Variants in KCNH1 observed in about 807,000 individuals in gnomAD.
The protein encoded by KCNH1 is potassium voltage-gated channel subfamily H member 1, also known as voltage-gated delayed rectifier potassium channel KCNH1.
Under a neutral mutation model 69.2 loss-of-function variants are expected in KCNH1, and 27 were observed. That is an observed-to-expected ratio of 0.39 (90% CI 0.29 to 0.54). The LOEUF is 0.54. Among genes scored for constraint, KCNH1 ranks in the 20% least tolerant of loss-of-function variants. KCNH1 has a pLI of 0.68. For synonymous variants in KCNH1, 456 were observed against 487.7 expected, an observed-to-expected ratio of 0.93 and a Z score of 0.86; for missense variants, 798 against 1,261.6, an observed-to-expected ratio of 0.63 and a Z score of 5.57.
chr1:210,864,600 T>C (rs969746307), intron 7 of KCNH1, among the ~76,000 whole-genome samples: 1 of 152,180 alleles, frequency 6.6e-6, no homozygotes, highest in African/African-American at 2.4e-5. Flanking sequence ...ATCCTACCTC[T>C]ATGGAGGGAG....
At chr1:210,735,421 AGTGTGTGTGTGTGT>A (rs71146244) in intron 10 of KCNH1, among the ~76,000 whole-genome samples, 273 of 132,096 alleles carry the variant, frequency 2.1e-3, no homozygotes, top group Admixed American at 5.2e-3. Context: ...TGAGTGAGTG[AGTGTGTGTGTGTGT>A]GTGTGTGTGT....
At chr1:210,982,438 G>C (rs1688732477) in intron 6 of KCNH1, among the ~76,000 whole-genome samples, 2 of 151,562 alleles carry the variant, frequency 1.3e-5, no homozygotes, top group Admixed American at 1.3e-4. Context: ...CTCCACACCA[G>C]TCCCCGGTAT....
intron 7 of KCNH1, among the ~76,000 whole-genome samples, chr1:210,832,650 TC>T (rs1685186733): frequency 6.6e-6 from 1 of 152,004 alleles, no homozygotes. Context: ...GAATAAAACT[TC>T]TAGGTAAACA....
intron 6 of KCNH1, among the ~76,000 whole-genome samples, chr1:210,956,651 T>C (rs1011542606): frequency 7.4e-4 from 112 of 152,112 alleles, no homozygotes; most frequent in African/African-American, 2.5e-3. Context: ...GGAGGGTATA[T>C]GTGTCCAGGA....
rs560042518 is a variant in KCNH1, at chr1:210,932,659, G to GA, written c.1033-12591dup. 7.9e-5 allele frequency among the ~76,000 whole-genome samples: 12 copies of GA among 151,656 alleles called. No individual in the cohort carries two copies. The South Asian group carries it at 1.3e-3, about 16-fold the overall frequency. On this transcript the variant is annotated intron_variant, in intron 6 of 10. Transcript: ENST00000271751. ...CACACAGACTGAAAAAGAAGGAATG[G>GA]AAAAAAAATATTCCATGCAAACAGA... is the stretch of plus-strand genomic sequence containing the variant.
rs150017848 is a variant in KCNH1, at chr1:211,072,611, G to C, written c.558+10169C>G. Among the ~76,000 whole-genome samples the C allele has an allele frequency of 9.7e-4, 148 of 152,260 alleles. 1 individual carries two copies. In the East Asian group the frequency reaches 0.025, roughly 26 times the overall value. On this transcript the variant is annotated intron_variant, in intron 5 of 10. Transcript: ENST00000271751. ...TGATACAAGGAATGAGAGGAATTAG[G>C]AATATCTTCCTATTATAAGGTACTT... is the stretch of plus-strand genomic sequence containing the variant.
Position 211,019,236 on chromosome 1 carries a change from G to C in KCNH1, c.579C>G (p.Asp193Glu), listed in dbSNP as rs770971374. 6.2e-7 allele frequency: 1 copy of C among 1,608,428 alleles called. No individual in the cohort carries two copies. The highest frequency in any genetic ancestry group is 1.3e-5 in the African/African-American group (1 of 74,880). ...CCTCTTGCTTGTACTGGGGAAGGAT[G>C]TCTGAGCCCAGCTGTAGGACCTGTA... Reference protein sequence around the residue: ...RLAEVLQLGSDILPQYKQEAP... With the variant: ...RLAEVLQLGSEILPQYKQEAP... Residue 193 changes from aspartate (D) to glutamate (E), a missense_variant, in exon 6 of 11, where the codon GAC becomes GAG. Physicochemically the swap from Asp to Glu is conservative, Grantham distance 45. Coordinates refer to ENST00000271751, the MANE Select transcript of KCNH1 (RefSeq NM_172362.3).
intron 10 of KCNH1, 71 bp from the exon 11 acceptor site, chr1:210,684,209 C>T: frequency 4.9e-6 from 7 of 1,435,986 alleles, no homozygotes; most frequent in Non-Finnish European, 5.5e-6. Flanking sequence ...CAGCTCAGCC[C>T]TTCTGCCTAT....
Position 211,082,873 on chromosome 1 carries a change from T to C in KCNH1, c.465A>G (p.Thr155=), listed in dbSNP as rs1343819337. The change falls in exon 5 of 11, where the codon ACA becomes ACG. Residue 155 remains threonine (T), a synonymous_variant. Coordinates refer to ENST00000271751, the MANE Select transcript of KCNH1 (RefSeq NM_172362.3). ...CKGWGKFARL[T]RALTSSRGVL... is the part of the protein sequence containing the mutation. ...CACCCCTGCTGCTTGTCAGTGCTCTTGTCAGCCGAGCAAACTTCCCCCAGC... is the reference window on the plus strand; with the variant it reads ...CACCCCTGCTGCTTGTCAGTGCTCTCGTCAGCCGAGCAAACTTCCCCCAGC... 2 of 1,613,920 alleles carry C rather than the reference T, an allele frequency of 1.2e-6. No individual in the cohort carries two copies. The highest frequency in any genetic ancestry group is 1.7e-6 in the Non-Finnish European group (2 of 1,179,972).
Position 211,059,034 on chromosome 1 carries a change from A to C in KCNH1, c.558+23746T>G, listed in dbSNP as rs1211854541. ...GGTGGCTCACGCCTGTAATCCCAGC[A>C]CTTTGGGAGGCTGAGGTGGGTGGGT... is the stretch of plus-strand genomic sequence containing the variant. On this transcript the variant is annotated intron_variant, in intron 5 of 10. Transcript: ENST00000271751. 2.0e-5 allele frequency among the ~76,000 whole-genome samples: 3 copies of C among 152,322 alleles called. No homozygotes were observed. In the East Asian group the frequency reaches 5.8e-4, roughly 29 times the overall value.
At chr1:211,012,557 T>C (rs564645436) in intron 6 of KCNH1, among the ~76,000 whole-genome samples, 1 of 152,312 alleles carries the variant, frequency 6.6e-6, no homozygotes, top group African/African-American at 2.4e-5. Context: ...GCTGTGTGAT[T>C]CCTATGTTAT....
chr1:210,886,051 A>C (rs1358236992), intron 7 of KCNH1, among the ~76,000 whole-genome samples: 1 of 152,208 alleles, frequency 6.6e-6, no homozygotes, highest in Non-Finnish European at 1.5e-5. Context: ...CTGCTAAGGG[A>C]CAGACTGCCT....
At chr1:211,022,349 C>T (rs924156254) in intron 5 of KCNH1, among the ~76,000 whole-genome samples, 1 of 152,042 alleles carries the variant, frequency 6.6e-6, no homozygotes, top group Admixed American at 6.6e-5. Context: ...AATTTAAATC[C>T]AAGACTTCAA....
intron 10 of KCNH1, among the ~76,000 whole-genome samples, chr1:210,685,981 G>A (rs1681400447): frequency 6.6e-6 from 1 of 152,210 alleles, no homozygotes; most frequent in Non-Finnish European, 1.5e-5. Context: ...CTACACAGGT[G>A]GATGGATGGT....
At chr1:210,997,611 T>C (rs1344328983) in intron 6 of KCNH1, among the ~76,000 whole-genome samples, 1 of 152,068 alleles carries the variant, frequency 6.6e-6, no homozygotes, top group East Asian at 1.9e-4. Context: ...CAGGAGAACT[T>C]CCCCAATTTA....
intron 7 of KCNH1, among the ~76,000 whole-genome samples, chr1:210,902,904 T>G (rs1687025535): frequency 6.6e-6 from 1 of 152,202 alleles, no homozygotes; most frequent in African/African-American, 2.4e-5. Flanking sequence ...TAATATTCCT[T>G]GCTTAAAGTC....
At chr1:210,864,618 C>T (rs969011922) in intron 7 of KCNH1, among the ~76,000 whole-genome samples, 1 of 152,192 alleles carries the variant, frequency 6.6e-6, no homozygotes, top group Non-Finnish European at 1.5e-5. Context: ...GAGTGAGACA[C>T]TTGGACAACA....
At chr1:211,127,955 T>C (rs566537442) in intron 1 of KCNH1, among the ~76,000 whole-genome samples, 6 of 152,192 alleles carry the variant, frequency 3.9e-5, no homozygotes, top group African/African-American at 1.2e-4. Flanking sequence ...TCGGACACAA[T>C]GTGTGGTACA....
At chr1:210,699,487 G>A (rs1681722646) in intron 10 of KCNH1, among the ~76,000 whole-genome samples, 1 of 152,240 alleles carries the variant, frequency 6.6e-6, no homozygotes, top group Non-Finnish European at 1.5e-5. Flanking sequence ...TGGAGCAGGA[G>A]TGGAATCTCT....
Sources: allele counts gnomAD v4.1 joint callset (sites outside exome capture counted in the v4.1 genomes callset), GRCh38; gene constraint gnomAD v4.1.1; transcripts MANE v1.5; gene names NCBI Gene and HGNC (gene_info 2026-07-23, HGNC 2026-07-21).